The following ALAS1 variants were observed in gnomAD, a reference collection of about 807,000 sequenced individuals.
The protein encoded by ALAS1 is 5-aminolevulinate synthase, non-specific, mitochondrial.
ALAS1 carries 29 observed loss-of-function variants against 59.6 expected under a neutral mutation model. That is an observed-to-expected ratio of 0.49 (90% CI 0.36 to 0.66). The LOEUF (loss-of-function observed/expected upper bound fraction) is 0.66, where lower values mean the gene tolerates loss of function less well. Among genes scored for constraint, ALAS1 ranks in the 30% least tolerant of loss-of-function variants. ALAS1 has a pLI of 0.00. For missense variants in ALAS1, 690 were observed against 807.5 expected, an observed-to-expected ratio of 0.85 and a Z score of 1.76; for synonymous variants, 299 against 296.6, an observed-to-expected ratio of 1.01 and a Z score of -0.08.
intron 4 of ALAS1, among the ~76,000 whole-genome samples, chr3:52,203,358 TG>T (rs1205344199): frequency 6.6e-6 from 1 of 152,132 alleles, no homozygotes; most frequent in African/African-American, 2.4e-5. Context: ...CAGGCCAACA[TG>T]GGGAAACCCC....
rs764042272 is a variant in ALAS1 at position 52,211,484 on chromosome 3, T to A, written c.1532T>A (p.Met511Lys). Reference protein sequence around the residue: ...RRQHQRNVKLMRQMLMDAGLP... With the variant: ...RRQHQRNVKLKRQMLMDAGLP... ...CAGCACCAGCGCAACGTCAAACTCA[T>A]GAGACAGATGCTAATGGATGCCGGC... The change falls in exon 10 of 12, where the codon ATG becomes AAG. Residue 511 changes from methionine to lysine, a missense_variant. Physicochemically the swap from Met to Lys is moderately conservative, Grantham distance 95. Transcript: ENST00000484952. 1 of 1,614,210 alleles carries A rather than the reference T, an allele frequency of 6.2e-7. No individual in the cohort carries two copies. Among genetic ancestry groups the A allele is most frequent in the African/African-American group, 1.3e-5 (1 of 75,042 alleles).
At chr3:52,201,832 C>T (rs1699191600) in intron 3 of ALAS1, among the ~76,000 whole-genome samples, 1 of 152,118 alleles carries the variant, frequency 6.6e-6, no homozygotes, top group African/African-American at 2.4e-5. Flanking sequence ...AGAGTGTGTC[C>T]TCTCATAAAA....
rs779835094 is a variant in ALAS1 at position 52,206,039 on chromosome 3, A to G, written c.985+16A>G. The G allele has an allele frequency of 8.9e-6, 14 of 1,574,122 alleles. No homozygotes were observed. Among genetic ancestry groups the G allele is most frequent in the Admixed American group, 1.9e-5 (1 of 52,574 alleles). On this transcript the variant is annotated intron_variant, in intron 7 of 11. Transcript: ENST00000484952. ...ATGATGCCAGGTAAGGAAGCCTGGC[A>G]TGAGTGCCTTCGAGTTTTTTGGGTT... is the stretch of plus-strand genomic sequence containing the variant.
At chr3:52,203,762 G>A in intron 4 of ALAS1, 101 bp from the exon 5 acceptor site, 1 of 1,369,696 alleles carries the variant, frequency 7.3e-7, no homozygotes, top group Non-Finnish European at 9.8e-7. Context: ...GGCCTTTTTT[G>A]TGAACTAGGC....
intron 7 of ALAS1, 140 bp from the exon 8 acceptor site, chr3:52,206,432 A>G (rs1024585269): frequency 2.1e-6 from 2 of 971,744 alleles, no homozygotes; most frequent in African/African-American, 3.3e-5. Context: ...TTATTTTGCC[A>G]GGAAGAAACT....
In ALAS1 at chr3:52,206,675, C is replaced by G; in HGVS notation, c.1089C>G (p.His363Gln). 4 of 1,614,178 alleles carry G rather than the reference C, an allele frequency of 2.5e-6. No individual in the cohort carries two copies. Among genetic ancestry groups the G allele is most frequent in the Non-Finnish European group, 3.4e-6 (4 of 1,180,038 alleles). ...TCTTCCGCCACAATGATGTCAGCCA[C>G]CTCAGAGAACTGCTGCAAAGATCTG... ...KYIFRHNDVS[H>Q]LRELLQRSDP... The change falls in exon 8 of 12, where the codon CAC becomes CAG. Residue 363 changes from histidine (H) to glutamine (Q), a missense_variant. Coordinates refer to ENST00000484952, the MANE Select transcript of ALAS1 (RefSeq NM_000688.6).
intron 10 of ALAS1, 47 bp from the exon 11 acceptor site, chr3:52,212,204 CTAAGAGG>C: frequency 6.5e-7 from 1 of 1,542,106 alleles, no homozygotes; most frequent in East Asian, 2.3e-5. Context: ...AGGATCTCTG[CTAAGAGG>C]TAGTCCTTCC....
At chr3:52,207,940 C>A in intron 8 of ALAS1, 143 bp from the exon 9 acceptor site, 2 of 935,148 alleles carry the variant, frequency 2.1e-6, no homozygotes, top group African/African-American at 1.7e-5. Context: ...CCCAGGTAAC[C>A]TAGAAATTAG....
rs758068550 is a variant in ALAS1 at position 52,214,160 on chromosome 3, T to C, written c.1903T>C (p.Leu635=). 7 of 1,612,202 alleles carry C rather than the reference T, an allele frequency of 4.3e-6. No individual in the cohort carries two copies. The African/African-American group carries it at 6.7e-5, about 15-fold the overall frequency. The change falls in exon 12 of 12, where the codon TTG becomes CTG. Residue 635 remains leucine, a synonymous_variant. Coordinates refer to ENST00000484952, the MANE Select transcript of ALAS1 (RefSeq NM_000688.6). The part of the protein sequence containing the change: ...EKSYFSGLSK[L]VSAQA ...GTCCTATTTCTCAGGCTTGAGCAAG[T>C]TGGTATCTGCTCAGGCCTGAGCATG...
At chr3:52,204,306 C>T (rs1276886346) in intron 5 of ALAS1, among the ~76,000 whole-genome samples, 5 of 152,140 alleles carry the variant, frequency 3.3e-5, no homozygotes, top group African/African-American at 1.2e-4. Context: ...ATTGCTTAAG[C>T]CCAAGACTTC....
At chr3:52,208,048 A>G (rs769653616) in intron 8 of ALAS1, 35 bp from the exon 9 acceptor site, 3 of 1,481,472 alleles carry the variant, frequency 2.0e-6, no homozygotes, top group Admixed American at 2.5e-5. Context: ...TGAAGCGGCA[A>G]AAGCTCTTCA....
intron 5 of ALAS1, 151 bp from the exon 6 acceptor site, chr3:52,204,542 G>A (rs1389412361): frequency 1.5e-6 from 1 of 667,772 alleles, no homozygotes; most frequent in South Asian, 1.9e-5. Context: ...AGCCAAACAC[G>A]ACATACAGTC....
rs758758646 is a variant in ALAS1, at chr3:52,199,430, G to A, written c.189G>A (p.Pro63=). Residue 63 remains proline, a synonymous_variant, in exon 3 of 12, where the codon CCG becomes CCA. Coordinates refer to ENST00000484952, the MANE Select transcript of ALAS1 (RefSeq NM_000688.6). ...VHYQQIKETP[P]ASEKDKTAKA... Reference sequence around the variant, plus strand: ...ACCAACAGATCAAAGAAACCCCTCCGGCCAGTGAGAGTAAGTGTCATTGAC... The same window carrying A: ...ACCAACAGATCAAAGAAACCCCTCCAGCCAGTGAGAGTAAGTGTCATTGAC... 1.2e-5 allele frequency: 19 copies of A among 1,613,676 alleles called. No homozygotes were observed. Among genetic ancestry groups the A allele is most frequent in the Admixed American group, 5.0e-5 (3 of 59,990 alleles).
At chr3:52,211,664 G>C in intron 10 of ALAS1, 113 bp downstream of exon 10, 1 of 1,458,196 alleles carries the variant, frequency 6.9e-7, no homozygotes, top group East Asian at 2.3e-5. Context: ...GACTGCCAGG[G>C]CAGGGGTTGT....
chr3:52,210,878 G>A (rs1373922202), intron 9 of ALAS1, among the ~76,000 whole-genome samples: 3 of 152,112 alleles, frequency 2.0e-5, no homozygotes, highest in Non-Finnish European at 4.4e-5. Context: ...TTTCATCATT[G>A]TGCAAACACC....
intron 9 of ALAS1, among the ~76,000 whole-genome samples, chr3:52,210,621 A>C (rs961875866): frequency 4.6e-5 from 7 of 152,034 alleles, no homozygotes; most frequent in Non-Finnish European, 1.5e-5. Flanking sequence ...CACAAAATAA[A>C]AATTTAAAAA....
At chr3:52,203,842 T>C in intron 4 of ALAS1, 21 bp from the exon 5 acceptor site, 1 of 1,561,588 alleles carries the variant, frequency 6.4e-7, no homozygotes. Context: ...TCCCATTTGT[T>C]TCTTGTTACT....
rs1211138302 is a variant in ALAS1 at position 52,199,199 on chromosome 3, C to A, written c.-32-11C>A. ...TGATTATTAACAACTGTTGATGTCACTCTTCATCAGTCTTTCCACAGGAGC... is the reference window on the plus strand; with the variant it reads ...TGATTATTAACAACTGTTGATGTCAATCTTCATCAGTCTTTCCACAGGAGC... On this transcript the variant is annotated splice_polypyrimidine_tract_variant and intron_variant, in intron 2 of 11. Coordinates refer to ENST00000484952, the MANE Select transcript of ALAS1 (RefSeq NM_000688.6). 2 of 1,611,956 alleles carry A rather than the reference C, an allele frequency of 1.2e-6. No individual in the cohort carries two copies. Among genetic ancestry groups the A allele is most frequent in the Non-Finnish European group, 1.7e-6 (2 of 1,178,100 alleles).
intron 7 of ALAS1, 110 bp downstream of exon 7, chr3:52,206,133 C>A (rs1699287439): frequency 9.6e-7 from 1 of 1,044,450 alleles, no homozygotes; most frequent in Non-Finnish European, 1.4e-6. Flanking sequence ...AAATCATAAT[C>A]CTATCTGGGC....
Sources: allele counts gnomAD v4.1 joint callset (sites outside exome capture counted in the v4.1 genomes callset), GRCh38; gene constraint gnomAD v4.1.1; transcripts MANE v1.5; gene names NCBI Gene and HGNC (gene_info 2026-07-23, HGNC 2026-07-21).